XIST: variants seen among roughly 807,000 people sequenced by gnomAD.
The protein encoded by XIST is X inactive specific transcript (non-protein coding).
At chrX:73,847,570 T>C in exon 1 of XIST, 1 of 514,535 alleles carries the variant, frequency 1.9e-6, no homozygotes, top group Non-Finnish European at 3.5e-6. Context: ...AGGAAATCAG[T>C]ACCCCCTTCT....
chrX:73,850,114 T>C, exon 1 of XIST: 1 of 559,153 alleles, frequency 1.8e-6, no homozygotes, highest in Non-Finnish European at 3.2e-6. Context: ...CCTGGACCTG[T>C]GTAAACCTTC....
chrX:73,844,547 T>C (rs1482754632), exon 1 of XIST: 4 of 558,414 alleles, frequency 7.2e-6, no homozygotes, highest in Non-Finnish European at 9.7e-6. Context: ...AGATGCATGG[T>C]TGTGGTCACT....
exon 6 of XIST, chrX:73,821,712 C>T (rs372167615): frequency 6.4e-4 from 340 of 534,189 alleles, no homozygotes; most frequent in Non-Finnish European, 8.9e-4. Context: ...GATTTAAAAA[C>T]GGAAAAGGTC....
At chrX:73,821,572 G>C (rs749747949) in exon 6 of XIST, 4 of 557,783 alleles carry the variant, frequency 7.2e-6, no homozygotes, top group South Asian at 2.2e-5. Flanking sequence ...TATTGGAACT[G>C]CATGAAACTG....
At chrX:73,830,356 T>G (rs1252506987) in intron 4 of XIST, among the ~76,000 whole-genome samples, 2 of 111,750 alleles carry the variant, frequency 1.8e-5, no homozygotes, top group African/African-American at 6.5e-5. Flanking sequence ...CCCATGAAAA[T>G]ATTTCATGAA....
chrX:73,844,639 C>G (rs1211224722), exon 1 of XIST: 1 of 557,061 alleles, frequency 1.8e-6, no homozygotes, highest in Non-Finnish European at 3.2e-6. Flanking sequence ...AAAGATTATG[C>G]GTAGATGGGA....
rs12009304 is a variant in XIST at position 73,825,966 on chromosome X, G to A, written n.13935C>T. 2,602 of 557,296 alleles carry A rather than the reference G, an allele frequency of 4.7e-3. 53 individuals carry two copies. In the African/African-American group the frequency reaches 0.05, roughly 11 times the overall value. The allele number at this position is 557,296 out of a possible 1,213,427, so 45.9% of individuals were successfully genotyped here. A position where few individuals can be genotyped will look rare whatever the true frequency, so the allele number is the denominator to read the frequency against. On this transcript the variant is annotated non_coding_transcript_exon_variant, in exon 6 of 6. Coordinates refer to ENST00000429829, the Ensembl canonical transcript of XIST. ...GCCTAGAGATGGGTATTAAACCCAG[G>A]AGTAGCGTTGGCACAGTCCACCAAA... is the stretch of plus-strand genomic sequence containing the variant.
chrX:73,844,120 T>C, exon 1 of XIST: 3 of 558,636 alleles, frequency 5.4e-6, no homozygotes, highest in Non-Finnish European at 9.7e-6. Flanking sequence ...GGCATCCTTG[T>C]CTAGGGCACA....
exon 1 of XIST, chrX:73,843,326 G>A (rs199581617): frequency 2.3e-4 from 130 of 556,865 alleles, no homozygotes; most frequent in Admixed American, 7.6e-4. Flanking sequence ...CAACGAGGAA[G>A]CAGGAGTCTT....
At chrX:73,821,944 A>G in exon 6 of XIST, 1 of 557,176 alleles carries the variant, frequency 1.8e-6, no homozygotes, top group Non-Finnish European at 3.2e-6. Flanking sequence ...AAGCTGTTGC[A>G]TGAGAAATCA....
exon 1 of XIST, chrX:73,844,729 G>A (rs1922688990): frequency 1.8e-6 from 1 of 556,935 alleles, no homozygotes; most frequent in Non-Finnish European, 3.2e-6. Flanking sequence ...CAGGAAAATG[G>A]GCCTTGGTTA....
exon 1 of XIST, chrX:73,850,354 T>C (rs748984314): frequency 1.1e-5 from 6 of 534,177 alleles, no homozygotes. Flanking sequence ...CAAAAACTCA[T>C]TAAATGTAAT....
chrX:73,826,596 T>C, exon 6 of XIST: 1 of 559,214 alleles, frequency 1.8e-6, no homozygotes, highest in Non-Finnish European at 3.2e-6. Context: ...ACTGGAAATA[T>C]CTAAGAGTAA....
exon 6 of XIST, chrX:73,824,826 A>G (rs753174689): frequency 9.0e-6 from 5 of 557,035 alleles, no homozygotes; most frequent in Admixed American, 4.5e-5. Flanking sequence ...CCTCACCAGT[A>G]AAGTCTTGAT....
exon 1 of XIST, chrX:73,842,571 C>A: frequency 1.8e-6 from 1 of 558,600 alleles, no homozygotes; most frequent in East Asian, 3.2e-5. Flanking sequence ...ACCAACACAC[C>A]AAAGTGGTAG....
intron 4 of XIST, chrX:73,830,934 A>G (rs766734300): frequency 2.4e-4 from 108 of 444,032 alleles, no homozygotes; most frequent in Non-Finnish European, 3.8e-4. Context: ...GTTAGTTAGG[A>G]AGCTGTTTTT....
exon 6 of XIST, chrX:73,822,669 C>T (rs775072283): frequency 1.9e-6 from 1 of 530,782 alleles, no homozygotes; most frequent in Admixed American, 2.5e-5. Flanking sequence ...TGAAGAGTAT[C>T]ACTTCATTCC....
chrX:73,831,367 T>C (rs1922376735), intron 3 of XIST: 1 of 434,928 alleles, frequency 2.3e-6, no homozygotes, highest in Non-Finnish European at 4.0e-6. Context: ...ACCATATTTT[T>C]ACCCTTTTCT....
In XIST at chrX:73,833,415, C is replaced by T. The variant is rs777781269; in HGVS notation, n.11407-41G>A. 3.6e-5 allele frequency: 18 copies of T among 506,980 alleles called. 1 individual carries two copies. The Middle Eastern group carries it at 3.4e-3, about 95-fold the overall frequency. The allele number at this position is 506,980 out of a possible 1,213,427, so 41.8% of individuals were successfully genotyped here. ...AGGGTTCAGTAGGCTACCAAAGCAC[C>T]GGTAGGATACCAAAAGAGTTACAAA... On this transcript the variant is annotated intron_variant and non_coding_transcript_variant, in intron 2 of 5. Transcript: ENST00000429829.
Sources: allele counts gnomAD v4.1 joint callset (sites outside exome capture counted in the v4.1 genomes callset), GRCh38; gene constraint gnomAD v4.1.1; transcripts MANE v1.5; gene names NCBI Gene and HGNC (gene_info 2026-07-23, HGNC 2026-07-21).